The following HPSE2 variants were observed in gnomAD, a reference collection of about 807,000 sequenced individuals.
HPSE2 encodes heparanase 2 (inactive).
In HPSE2, 38 loss-of-function variants were observed where a neutral mutation model predicts 60.5. The observed-to-expected ratio is 0.63, with a 90% CI of 0.48 to 0.82. The LOEUF (loss-of-function observed/expected upper bound fraction) is 0.82, where lower values mean the gene tolerates loss of function less well. Ranked by LOEUF, HPSE2 falls within the 40% of genes least tolerant of loss-of-function variation. HPSE2 has a pLI of 0.00. For synonymous variants in HPSE2, 295 were observed against 293.2 expected (o/e 1.01, Z -0.06); for missense variants, 713 against 740.4 (o/e 0.96, Z 0.43).
chr10:98,734,213 TTGTA>T (rs1554980535), intron 4 of HPSE2, among the ~76,000 whole-genome samples: 3 of 152,210 alleles, frequency 2.0e-5, no homozygotes, highest in Non-Finnish European at 4.4e-5. Flanking sequence ...TAGTATTTCT[TTGTA>T]TGTATTTGTC....
At chr10:98,832,940 C>G (rs958377804) in intron 3 of HPSE2, among the ~76,000 whole-genome samples, 30 of 152,210 alleles carry the variant, frequency 2.0e-4, no homozygotes, top group African/African-American at 7.0e-4. Flanking sequence ...GCTGACAGAA[C>G]GGCTGTTTTA....
chr10:98,547,729 A>G (rs1452288788), intron 9 of HPSE2, among the ~76,000 whole-genome samples: 2 of 151,190 alleles, frequency 1.3e-5, no homozygotes, highest in Middle Eastern at 3.4e-3. Flanking sequence ...TGGGTGCAGC[A>G]CACCAGCATG....
intron 3 of HPSE2, among the ~76,000 whole-genome samples, chr10:98,800,958 T>C (rs966955504): frequency 1.4e-4 from 22 of 152,168 alleles, no homozygotes; most frequent in Admixed American, 8.5e-4. Flanking sequence ...CTGATGATTA[T>C]TCATGCAAAA....
chr10:98,924,248 C>T (rs1225944472), intron 3 of HPSE2, among the ~76,000 whole-genome samples: 1 of 152,198 alleles, frequency 6.6e-6, no homozygotes, highest in Non-Finnish European at 1.5e-5. Flanking sequence ...TGCCGAACCA[C>T]CTGGAACTGG....
intron 9 of HPSE2, among the ~76,000 whole-genome samples, chr10:98,586,279 C>A (rs905579882): frequency 4.6e-5 from 7 of 152,110 alleles, no homozygotes; most frequent in Non-Finnish European, 8.8e-5. Context: ...GTTTATGAGT[C>A]ATTTTCTATC....
chr10:99,181,168 G>A (rs1847754967), intron 2 of HPSE2, among the ~76,000 whole-genome samples: 1 of 151,374 alleles, frequency 6.6e-6, no homozygotes, highest in Non-Finnish European at 1.5e-5. Flanking sequence ...GGAGGCCGAG[G>A]CGGGCGGATC....
At chr10:99,206,338 T>C (rs151287580) in intron 2 of HPSE2, among the ~76,000 whole-genome samples, 301 of 152,240 alleles carry the variant, frequency 2.0e-3, no homozygotes, top group African/African-American at 7.0e-3. Flanking sequence ...CAGTGTCTTA[T>C]GTCTGTAATC....
chr10:98,614,446 T>C (rs1001302881), intron 9 of HPSE2, among the ~76,000 whole-genome samples: 1 of 151,926 alleles, frequency 6.6e-6, no homozygotes, highest in African/African-American at 2.4e-5. Context: ...GTGCCCGCCA[T>C]CACACACAGC....
At chr10:98,508,447 C>T (rs1942273960) in intron 9 of HPSE2, among the ~76,000 whole-genome samples, 1 of 152,176 alleles carries the variant, frequency 6.6e-6, no homozygotes. Flanking sequence ...AGCCCAGTGC[C>T]TAGTAGAGTG....
At chr10:98,628,898 G>C (rs1387910374) in intron 7 of HPSE2, among the ~76,000 whole-genome samples, 3 of 142,214 alleles carry the variant, frequency 2.1e-5, no homozygotes, top group Non-Finnish European at 1.5e-5. Context: ...CTACCACTTT[G>C]AATTAAAAAA....
At chr10:98,620,079 G>T (rs74367048) in intron 8 of HPSE2, among the ~76,000 whole-genome samples, 2 of 152,266 alleles carry the variant, frequency 1.3e-5, no homozygotes, top group East Asian at 1.9e-4. Context: ...CAGTAGCATC[G>T]ATTTCATTGG....
intron 3 of HPSE2, among the ~76,000 whole-genome samples, chr10:98,978,986 C>T (rs1311273659): frequency 1.3e-5 from 2 of 152,132 alleles, no homozygotes; most frequent in Non-Finnish European, 2.9e-5. Flanking sequence ...TCTTGAACTG[C>T]GAACACGTGT....
At chr10:98,484,211 G>GTCCT (rs1007399619) in intron 10 of HPSE2, among the ~76,000 whole-genome samples, 1 of 145,498 alleles carries the variant, frequency 6.9e-6, no homozygotes, top group Non-Finnish European at 1.5e-5. Context: ...TTCTTTTTCT[G>GTCCT]TCCTTCCTTC....
chr10:98,895,166 AT>A (rs1322084032), intron 3 of HPSE2, among the ~76,000 whole-genome samples: 2 of 152,170 alleles, frequency 1.3e-5, no homozygotes, highest in Non-Finnish European at 2.9e-5. Context: ...TACAAAAAAA[AT>A]CAATTAGAAA....
chr10:98,796,286 G>A (rs1036465354), intron 3 of HPSE2, among the ~76,000 whole-genome samples: 1 of 152,092 alleles, frequency 6.6e-6, no homozygotes, highest in Non-Finnish European at 1.5e-5. Context: ...GGTCAGAGAG[G>A]AGCTCACTTC....
At chr10:99,093,741 T>C (rs1003443516) in intron 3 of HPSE2, among the ~76,000 whole-genome samples, 3 of 152,204 alleles carry the variant, frequency 2.0e-5, no homozygotes, top group Admixed American at 6.5e-5. Flanking sequence ...CTTCCCAACA[T>C]TGTTGCATCG....
intron 3 of HPSE2, among the ~76,000 whole-genome samples, chr10:99,021,261 G>A (rs566700344): frequency 6.6e-6 from 1 of 152,148 alleles, no homozygotes; most frequent in Non-Finnish European, 1.5e-5. Flanking sequence ...TGAGCACTTA[G>A]TATGTAAGAG....
chr10:98,460,585 C>T (rs1490686435), intron 11 of HPSE2, among the ~76,000 whole-genome samples: 5 of 152,086 alleles, frequency 3.3e-5, no homozygotes, highest in Non-Finnish European at 5.9e-5. Flanking sequence ...TATACTCCAT[C>T]CTGGGTGACA....
At chr10:98,510,014 A>T (rs1026619437) in intron 9 of HPSE2, among the ~76,000 whole-genome samples, 7 of 152,080 alleles carry the variant, frequency 4.6e-5, no homozygotes, top group Non-Finnish European at 1.0e-4. Context: ...ATATTAGCTC[A>T]AGGGTCATTT....
Sources: allele counts gnomAD v4.1 joint callset (sites outside exome capture counted in the v4.1 genomes callset), GRCh38; gene constraint gnomAD v4.1.1; transcripts MANE v1.5; gene names NCBI Gene and HGNC (gene_info 2026-07-23, HGNC 2026-07-21).